The following ASCC3 variants were observed in gnomAD, a reference collection of about 807,000 sequenced individuals.
ASCC3 encodes ASC-1 complex subunit P200.
ASCC3 carries 158 observed loss-of-function variants against 256.3 expected under a neutral mutation model. The observed-to-expected ratio is 0.62, with a 90% CI of 0.54 to 0.70. The LOEUF is 0.70. ASCC3 is among the 30% of genes least tolerant of loss of function. The pLI is 0.00. For synonymous variants in ASCC3, 948 were observed against 883.4 expected, an observed-to-expected ratio of 1.07 and a Z score of -1.30; for missense variants, 2,259 against 2,626.0, an observed-to-expected ratio of 0.86 and a Z score of 3.05.
intron 10 of ASCC3, among the ~76,000 whole-genome samples, chr6:100,749,189 C>T (rs1370043909): frequency 2.6e-5 from 4 of 151,802 alleles, no homozygotes; most frequent in South Asian, 2.1e-4. Context: ...GGTGAGTGAA[C>T]GAAAAACGTT....
intron 4 of ASCC3, among the ~76,000 whole-genome samples, chr6:100,821,953 A>G (rs1771070193): frequency 6.6e-6 from 1 of 152,206 alleles, no homozygotes; most frequent in Admixed American, 6.5e-5. Flanking sequence ...CAAAGTGTCC[A>G]AAATGGAGAA....
chr6:100,608,129 T>TATATGTATATATATGTATATATAC lies in ASCC3; in HGVS notation c.4786-1042_4786-1041insGTATATATACATATATATACATAT, dbSNP rs1562161283. 7.7e-4 allele frequency among the ~76,000 whole-genome samples: 97 copies of TATATGTATATATATGTATATATAC among 126,544 alleles called. 1 individual carries two copies. Among genetic ancestry groups the TATATGTATATATATGTATATATAC allele is most frequent in the African/African-American group, 2.5e-3 (82 of 33,180 alleles). 83.0% of individuals were successfully genotyped at this position (126,544 alleles called of 152,430 possible). A position where few individuals can be genotyped will look rare whatever the true frequency, so the allele number is the denominator to read the frequency against. On this transcript the variant is annotated intron_variant, in intron 30 of 41. Transcript: ENST00000369162. ...ATATGTATATATATCTATATATACA[T>TATATGTATATATATGTATATATAC]ATATATGTATATATATCTATATATA...
chr6:100,557,300 A>G (rs1319065777), intron 36 of ASCC3, among the ~76,000 whole-genome samples: 9 of 152,094 alleles, frequency 5.9e-5, no homozygotes, highest in Non-Finnish European at 1.2e-4. Flanking sequence ...TTTCCCTTTA[A>G]GTATGCTTTA....
chr6:100,629,578 G>C (rs1017161802), intron 26 of ASCC3, among the ~76,000 whole-genome samples: 2 of 151,952 alleles, frequency 1.3e-5, no homozygotes, highest in African/African-American at 4.8e-5. Context: ...GACAAAAAAA[G>C]GCATTCATTA....
At chr6:100,691,896 C>T (rs1008156274) in intron 13 of ASCC3, among the ~76,000 whole-genome samples, 2 of 151,510 alleles carry the variant, frequency 1.3e-5, no homozygotes, top group African/African-American at 4.9e-5. Context: ...AGTTCACCCG[C>T]ACTTCAATTT....
chr6:100,758,373 C>A (rs955554683), intron 10 of ASCC3, among the ~76,000 whole-genome samples: 1 of 152,168 alleles, frequency 6.6e-6, no homozygotes, highest in African/African-American at 2.4e-5. Context: ...TCCCCTCACC[C>A]CCCAAACCCC....
At chr6:100,610,179 T>G (rs571408929) in intron 30 of ASCC3, among the ~76,000 whole-genome samples, 4 of 152,204 alleles carry the variant, frequency 2.6e-5, no homozygotes, top group Non-Finnish European at 5.9e-5. Flanking sequence ...ATGCCTGAGA[T>G]AGAAGTATAA....
At chr6:100,838,503 T>C (rs1771987318) in intron 4 of ASCC3, among the ~76,000 whole-genome samples, 1 of 152,068 alleles carries the variant, frequency 6.6e-6, no homozygotes, top group Non-Finnish European at 1.5e-5. Flanking sequence ...AAGAAGAATT[T>C]CTATGCAAAT....
At chr6:100,764,820 A>G (rs577873604) in intron 10 of ASCC3, among the ~76,000 whole-genome samples, 5 of 152,080 alleles carry the variant, frequency 3.3e-5, no homozygotes, top group Non-Finnish European at 7.4e-5. Context: ...CAACATATAA[A>G]TTGTGTTTGG....
chr6:100,637,819 T>G (rs1582610557), intron 25 of ASCC3, among the ~76,000 whole-genome samples: 1 of 152,274 alleles, frequency 6.6e-6, no homozygotes, highest in African/African-American at 2.4e-5. Context: ...TATAACTGAA[T>G]TGTTACAATC....
intron 14 of ASCC3, among the ~76,000 whole-genome samples, chr6:100,676,248 T>C (rs566978617): frequency 6.6e-6 from 1 of 152,334 alleles, no homozygotes; most frequent in South Asian, 2.1e-4. Flanking sequence ...TTTATCATTG[T>C]TCAGTTTCCA....
At chr6:100,880,530 C>T (rs1010018370) in intron 1 of ASCC3, among the ~76,000 whole-genome samples, 4 of 152,132 alleles carry the variant, frequency 2.6e-5, no homozygotes, top group Admixed American at 6.5e-5. Context: ...AAATGACTGC[C>T]CAGTACTCAC....
intron 36 of ASCC3, among the ~76,000 whole-genome samples, chr6:100,552,809 C>T (rs1343054656): frequency 2.0e-5 from 3 of 151,514 alleles, no homozygotes; most frequent in Non-Finnish European, 2.9e-5. Flanking sequence ...AACTCAAGTG[C>T]TATGAACCAC....
At chr6:100,584,773 G>C (rs1771551229) in intron 36 of ASCC3, among the ~76,000 whole-genome samples, 1 of 151,924 alleles carries the variant, frequency 6.6e-6, no homozygotes, top group African/African-American at 2.4e-5. Context: ...TTGTAGGGCA[G>C]GGCTGGTGGT....
intron 36 of ASCC3, among the ~76,000 whole-genome samples, chr6:100,544,014 A>G (rs1365879775): frequency 6.6e-6 from 1 of 152,146 alleles, no homozygotes; most frequent in Non-Finnish European, 1.5e-5. Flanking sequence ...AACCAATGAC[A>G]GACAGATCTC....
intron 11 of ASCC3, among the ~76,000 whole-genome samples, chr6:100,718,934 T>A (rs1779203053): frequency 6.6e-6 from 1 of 152,068 alleles, no homozygotes; most frequent in Non-Finnish European, 1.5e-5. Flanking sequence ...ATTCATTTGT[T>A]AATTAAAATA....
In ASCC3 at chr6:100,648,156, T is replaced by C. The variant is rs568718607; in HGVS notation, c.3253-705A>G. On this transcript the variant is annotated intron_variant, in intron 20 of 41. Coordinates refer to ENST00000369162, the MANE Select transcript of ASCC3 (RefSeq NM_006828.4). ...AAAGCCAGGACTAAAGGACTCCAAA[T>C]ATAACTGAGATTCTAGACTCAGTGG... Among the ~76,000 whole-genome samples, 3 of 152,260 alleles carry C rather than the reference T, an allele frequency of 2.0e-5. No homozygotes were observed. In the South Asian group the frequency reaches 6.2e-4, roughly 32 times the overall value.
chr6:100,756,566 A>G (rs535875767), intron 10 of ASCC3, among the ~76,000 whole-genome samples: 30 of 152,230 alleles, frequency 2.0e-4, no homozygotes, highest in African/African-American at 6.5e-4. Context: ...TCTCAGTTCA[A>G]AAGTATAAAA....
intron 26 of ASCC3, among the ~76,000 whole-genome samples, chr6:100,630,593 T>A (rs1251275254): frequency 1.3e-5 from 2 of 151,988 alleles, no homozygotes; most frequent in African/African-American, 4.8e-5. Flanking sequence ...GTACTATAAT[T>A]TACTTACTGA....
Sources: gnomAD v4.1 joint callset for allele counts (sites outside exome capture counted in the v4.1 genomes callset) on GRCh38, gnomAD v4.1.1 for gene constraint, MANE v1.5 for transcripts, NCBI Gene and HGNC (gene_info 2026-07-23, HGNC 2026-07-21) for gene names.